RB1: variants seen among roughly 807,000 people sequenced by gnomAD.
RB1 encodes retinoblastoma-associated protein.
A neutral mutation model predicts 135.4 loss-of-function variants in RB1; 18 were observed. That is an observed-to-expected ratio of 0.13 (90% CI 0.09 to 0.20). The LOEUF (loss-of-function observed/expected upper bound fraction) is 0.20, where lower values mean the gene tolerates loss of function less well. Ranked by LOEUF, RB1 falls within the 10% of genes least tolerant of loss-of-function variation. The probability of loss-of-function intolerance (pLI) is 1.00; values close to 1 mark genes in which losing one functional copy is unlikely to be tolerated. For synonymous variants in RB1, 365 were observed against 373.2 expected, an observed-to-expected ratio of 0.98 and a Z score of 0.25; for missense variants, 868 against 1,110.0, an observed-to-expected ratio of 0.78 and a Z score of 3.10.
At chr13:48,356,817 G>A (rs998184654) in intron 6 of RB1, among the ~76,000 whole-genome samples, 2 of 151,786 alleles carry the variant, frequency 1.3e-5, no homozygotes, top group African/African-American at 4.8e-5. Flanking sequence ...TTAAAAATAT[G>A]CTTTTTGGTT....
At chr13:48,458,961 A>G (rs2138334933) in intron 19 of RB1, among the ~76,000 whole-genome samples, 1 of 152,326 alleles carries the variant, frequency 6.6e-6, no homozygotes, top group South Asian at 2.1e-4. Flanking sequence ...AGGATTGGAA[A>G]AATTCATAGA....
chr13:48,422,219 G>T (rs1384834615), intron 17 of RB1, among the ~76,000 whole-genome samples: 1 of 152,128 alleles, frequency 6.6e-6, no homozygotes, highest in Non-Finnish European at 1.5e-5. Context: ...CCTTTGCAGG[G>T]ACATGGATGA....
intron 12 of RB1, among the ~76,000 whole-genome samples, chr13:48,375,941 G>T (rs1469339972): frequency 1.3e-5 from 2 of 151,822 alleles, no homozygotes; most frequent in Non-Finnish European, 2.9e-5. Flanking sequence ...TATGTATAAA[G>T]GATAAAAAAT....
intron 17 of RB1, chr13:48,439,891 T>C (rs1429290927): frequency 1.3e-5 from 2 of 152,172 alleles, no homozygotes; most frequent in African/African-American, 4.8e-5. Flanking sequence ...CAGAAATTTA[T>C]ATCAGAATTA....
At chr13:48,329,960 A>AT (rs1165090020) in intron 2 of RB1, among the ~76,000 whole-genome samples, 1 of 152,180 alleles carries the variant, frequency 6.6e-6, no homozygotes, top group East Asian at 1.9e-4. Context: ...ATTTAAGAAG[A>AT]TTGAGATAAT....
chr13:48,336,115 A>G (rs1952382947), intron 2 of RB1, among the ~76,000 whole-genome samples: 1 of 152,174 alleles, frequency 6.6e-6, no homozygotes, highest in Non-Finnish European at 1.5e-5. Context: ...TTTTGCATCC[A>G]TGTTCATCAG....
intron 11 of RB1, among the ~76,000 whole-genome samples, chr13:48,370,447 T>A (rs1952747413): frequency 6.6e-6 from 1 of 152,174 alleles, no homozygotes; most frequent in Admixed American, 6.5e-5. Context: ...CAGTTGCAAG[T>A]CTGGGTTTTT....
intron 17 of RB1, among the ~76,000 whole-genome samples, chr13:48,394,982 C>T (rs1313743167): frequency 6.6e-6 from 1 of 152,204 alleles, no homozygotes; most frequent in African/African-American, 2.4e-5. Context: ...TCAACAGACA[C>T]CTCATACAGG....
At chr13:48,372,626 G>A (rs12583516) in intron 11 of RB1, among the ~76,000 whole-genome samples, 32,003 of 151,464 alleles carry the variant, frequency 0.21, 3,562 homozygotes, top group South Asian at 0.26. Flanking sequence ...ACTCCAGCCT[G>A]GGCGACAGAG....
chr13:48,354,885 A>C (rs1324782329), intron 6 of RB1, among the ~76,000 whole-genome samples: 1 of 151,984 alleles, frequency 6.6e-6, no homozygotes, highest in Non-Finnish European at 1.5e-5. Context: ...ATGAAACTAG[A>C]CCCCTATCTG....
At position 48,396,940 on chromosome 13, in the gene RB1, G is replaced by A. The variant is rs148873121; in HGVS notation, c.1695+15497G>A. ...TAGAGAAATGCAAATCAAAACCACA[G>A]TGAGATACCATCTCATGCCAGTTAG... On this transcript the variant is annotated intron_variant, in intron 17 of 26. Transcript: ENST00000267163. Among the ~76,000 whole-genome samples the A allele has an allele frequency of 1.0e-2, 1,516 of 152,238 alleles. 36 individuals are homozygous for A. Among genetic ancestry groups the A allele is most frequent in the African/African-American group, 0.035 (1,437 of 41,546 alleles).
intron 17 of RB1, among the ~76,000 whole-genome samples, chr13:48,441,240 G>A (rs1050714571): frequency 3.3e-5 from 5 of 152,182 alleles, no homozygotes; most frequent in Admixed American, 6.5e-5. Flanking sequence ...AAGGGACAAG[G>A]CAGCTCTCTG....
intron 17 of RB1, among the ~76,000 whole-genome samples, chr13:48,395,091 A>T (rs1452771744): frequency 4.6e-5 from 1 of 21,826 alleles, no homozygotes; most frequent in Non-Finnish European, 4.8e-4. Context: ...TCCACTGGTG[A>T]TACCAGGCAA....
At chr13:48,363,142 G>A (rs1425016376) in intron 8 of RB1, among the ~76,000 whole-genome samples, 185 bp downstream of exon 8, 1 of 151,730 alleles carries the variant, frequency 6.6e-6, no homozygotes, top group Non-Finnish European at 1.5e-5. Flanking sequence ...TTTAAAGAGA[G>A]TAGCTCCCTC....
At chr13:48,309,623 A>T (rs1283720016) in intron 2 of RB1, among the ~76,000 whole-genome samples, 1 of 152,174 alleles carries the variant, frequency 6.6e-6, no homozygotes, top group Non-Finnish European at 1.5e-5. Flanking sequence ...TCTTCCTAAA[A>T]TACTAGATTT....
intron 6 of RB1, among the ~76,000 whole-genome samples, chr13:48,350,108 A>G (rs1445045664): frequency 1.3e-5 from 2 of 152,142 alleles, no homozygotes; most frequent in Non-Finnish European, 2.9e-5. Context: ...AGACTTCAAC[A>G]CCCCACTTTC....
In RB1 at chr13:48,367,661, G is replaced by C. The variant is rs3092883; in HGVS notation, c.1049+58G>C. The C allele has an allele frequency of 8.0e-3, 12,536 of 1,561,268 alleles. 69 individuals carry two copies. Among genetic ancestry groups the C allele is most frequent in the Middle Eastern group, 0.013 (74 of 5,608 alleles). On this transcript the variant is annotated intron_variant, in intron 10 of 26. Transcript: ENST00000267163. ...TTAGATATAGGTTGATACTGATATA[G>C]GTAGATTATATAGTCTTTAGCTTAG...
chr13:48,403,168 G>A (rs1301796194), intron 17 of RB1, among the ~76,000 whole-genome samples: 1 of 152,132 alleles, frequency 6.6e-6, no homozygotes, highest in Non-Finnish European at 1.5e-5. Flanking sequence ...TTTTTTAGCA[G>A]CAGTCAAAGG....
chr13:48,454,449 C>T (rs2138328912), intron 18 of RB1, among the ~76,000 whole-genome samples: 1 of 152,200 alleles, frequency 6.6e-6, no homozygotes, highest in East Asian at 1.9e-4. Flanking sequence ...TAAGTTAAGC[C>T]TTGTTTTTTT....
Sources: allele counts gnomAD v4.1 joint callset (sites outside exome capture counted in the v4.1 genomes callset), GRCh38; gene constraint gnomAD v4.1.1; transcripts MANE v1.5; gene names NCBI Gene and HGNC (gene_info 2026-07-23, HGNC 2026-07-21).